CENPO: variants seen among roughly 807,000 people sequenced by gnomAD.
CENPO encodes centromeric protein O.
A neutral mutation model predicts 36.1 loss-of-function variants in CENPO; 30 were observed. That is an observed-to-expected ratio of 0.83 (90% CI 0.62 to 1.13). CENPO has a LOEUF of 1.13. Ranked by LOEUF, CENPO falls within the 50% of genes most tolerant of loss-of-function variation. CENPO has a pLI of 0.00. For missense variants in CENPO, 349 were observed against 357.8 expected (o/e 0.98, Z 0.20); for synonymous variants, 171 against 142.3 (o/e 1.20, Z -1.44).
intron 3 of CENPO, among the ~76,000 whole-genome samples, chr2:24,806,106 G>A (rs1019946555): frequency 2.0e-5 from 3 of 152,210 alleles, no homozygotes; most frequent in Admixed American, 1.3e-4. Flanking sequence ...CTCTGTGGGC[G>A]TAGGACCCTC....
chr2:24,793,667 G>C (rs1244148020), intron 1 of CENPO, 166 bp downstream of exon 1: 2 of 1,178,820 alleles, frequency 1.7e-6, no homozygotes, highest in African/African-American at 3.1e-5. Context: ...GATGGGCGCG[G>C]GGGTGGGCAT....
chr2:24,814,355 G>T, intron 3 of CENPO, 21 bp from the exon 4 acceptor site: 1 of 1,169,296 alleles, frequency 8.6e-7, no homozygotes, highest in Non-Finnish European at 1.3e-6. Flanking sequence ...TACCAAGATT[G>T]ATTTGCTGCA....
Position 24,821,316 on chromosome 2 carries a change from T to C in CENPO, c.*1998T>C. 1.5e-6 allele frequency: 1 copy of C among 671,418 alleles called. No individual in the cohort carries two copies. Among genetic ancestry groups the C allele is most frequent in the Admixed American group, 3.0e-5 (1 of 33,224 alleles). The allele number at this position is 671,418 out of a possible 1,614,324, so 41.6% of individuals were successfully genotyped here. A position where few individuals can be genotyped will look rare whatever the true frequency, so the allele number is the denominator to read the frequency against. On this transcript the variant is annotated 3_prime_UTR_variant, in exon 8 of 8. Transcript: ENST00000380834. ...CAGTAGGCACAGTATAGTCGGATCA[T>C]CACATCAGCTGGGTTTTTGGTTTAG...
At chr2:24,814,268 ATGTATTATATCATG>A (rs1666834669) in intron 3 of CENPO, 94 bp from the exon 4 acceptor site, 2 of 707,034 alleles carry the variant, frequency 2.8e-6, no homozygotes, top group Non-Finnish European at 5.2e-6. Context: ...GCATTTCTTG[ATGTATTATATCATG>A]TGCCTTGTAT....
intron 3 of CENPO, among the ~76,000 whole-genome samples, chr2:24,809,008 C>T (rs564258478): frequency 3.9e-5 from 6 of 152,032 alleles, no homozygotes; most frequent in Non-Finnish European, 5.9e-5. Flanking sequence ...TTTTAATTTC[C>T]GATCCAATTT....
chr2:24,808,972 C>G (rs2148275884), intron 3 of CENPO, among the ~76,000 whole-genome samples: 1 of 151,646 alleles, frequency 6.6e-6, no homozygotes, highest in South Asian at 2.1e-4. Flanking sequence ...CCCGGTGAAG[C>G]TCTTTGGGCC....
chr2:24,806,311 G>C (rs1361034805), intron 3 of CENPO, among the ~76,000 whole-genome samples: 2 of 152,196 alleles, frequency 1.3e-5, no homozygotes, highest in African/African-American at 4.8e-5. Context: ...CTCACACTCG[G>C]TGTGCTGCAA....
intron 3 of CENPO, among the ~76,000 whole-genome samples, chr2:24,803,215 CTCTT>C (rs1180681948): frequency 6.6e-6 from 1 of 150,782 alleles, no homozygotes; most frequent in African/African-American, 2.4e-5. Context: ...TGATTCTTCT[CTCTT>C]TTCTTCTTTA....
intron 4 of CENPO, chr2:24,814,762 G>A (rs1666865795): frequency 2.5e-6 from 1 of 397,082 alleles, no homozygotes; most frequent in Non-Finnish European, 4.6e-6. Context: ...AGTTCGTCAT[G>A]TGCCAGACCT....
In CENPO at chr2:24,821,396, C is replaced by G. The variant is rs1266846986; in HGVS notation, c.*2078C>G. 1 of 1,424,172 alleles carries G rather than the reference C, an allele frequency of 7.0e-7. No homozygotes were observed. The highest frequency in any genetic ancestry group is 2.3e-5 in the East Asian group (1 of 43,460). The allele number at this position is 1,424,172 out of a possible 1,614,324, so 88.2% of individuals were successfully genotyped here. ...TTCAGGTCTCCTTGCCCTGTGAGTG[C>G]GTGAACCTCCCCACCCGAATTGCCT... On this transcript the variant is annotated 3_prime_UTR_variant, in exon 8 of 8. Coordinates refer to ENST00000380834, the MANE Select transcript of CENPO (RefSeq NM_001322101.2).
chr2:24,804,988 C>T (rs558739603), intron 3 of CENPO, among the ~76,000 whole-genome samples: 1 of 152,298 alleles, frequency 6.6e-6, no homozygotes, highest in East Asian at 1.9e-4. Context: ...TTGGTCTTTT[C>T]ACATAGTCCC....
chr2:24,801,911 C>A (rs546439431), intron 3 of CENPO, among the ~76,000 whole-genome samples: 1 of 152,306 alleles, frequency 6.6e-6, no homozygotes, highest in East Asian at 1.9e-4. Flanking sequence ...CATAAATTAG[C>A]TTGGGCAGTA....
rs920683929 is a variant in CENPO, at chr2:24,793,867, C to G, written c.-53C>G. On this transcript the variant is annotated 5_prime_UTR_variant, in exon 2 of 8. Coordinates refer to ENST00000380834, the MANE Select transcript of CENPO (RefSeq NM_001322101.2). ...CTTTTATTAGCAAGGACATTGGAGT[C>G]CCTATCACCGGTTGCCTAGACAACT... The G allele has an allele frequency of 6.2e-7, 1 of 1,613,712 alleles. No homozygotes were observed. Among genetic ancestry groups the G allele is most frequent in the South Asian group, 1.1e-5 (1 of 91,072 alleles).
intron 2 of CENPO, among the ~76,000 whole-genome samples, chr2:24,797,618 G>T (rs946873813): frequency 1.3e-5 from 2 of 152,168 alleles, no homozygotes; most frequent in African/African-American, 2.4e-5. Flanking sequence ...ACAAAAACAG[G>T]TTGTCTGTTG....
chr2:24,799,035 G>A (rs1666043015), intron 2 of CENPO, among the ~76,000 whole-genome samples: 1 of 93,878 alleles, frequency 1.1e-5, no homozygotes, highest in Non-Finnish European at 2.4e-5. Context: ...CCAGGCTGGA[G>A]TGCAATGGCA....
intron 6 of CENPO, among the ~76,000 whole-genome samples, chr2:24,817,258 G>T (rs1666978884): frequency 6.6e-6 from 1 of 152,178 alleles, no homozygotes. Flanking sequence ...TTCCAGACTG[G>T]CTGAGAGAGA....
chr2:24,820,520 C>T lies in CENPO; in HGVS notation c.*1202C>T, dbSNP rs1251189813. 9.9e-6 allele frequency: 14 copies of T among 1,410,246 alleles called. No individual in the cohort carries two copies. Among genetic ancestry groups the T allele is most frequent in the South Asian group, 1.5e-5 (1 of 64,728 alleles). The allele number at this position is 1,410,246 out of a possible 1,614,324, so 87.4% of individuals were successfully genotyped here. ...AGGCCATATGCATCTAGAACTTCAG[C>T]CCAGATTTTGTGGATGGGTGGAAGT... On this transcript the variant is annotated 3_prime_UTR_variant, in exon 8 of 8. Transcript: ENST00000380834.
In CENPO at chr2:24,817,831, G is replaced by A; in HGVS notation, c.*25G>A. 1 of 1,613,820 alleles carries A rather than the reference G, an allele frequency of 6.2e-7. No individual in the cohort carries two copies. The highest frequency in any genetic ancestry group is 8.5e-7 in the Non-Finnish European group (1 of 1,179,926). On this transcript the variant is annotated 3_prime_UTR_variant, in exon 7 of 8. Transcript: ENST00000380834. ...ATAGATTGTTTTCACTGCACTGGGA[G>A]CACATCAGAGGTAAGTAACCAGTAC...
At chr2:24,804,505 C>G (rs968187350) in intron 3 of CENPO, among the ~76,000 whole-genome samples, 4 of 152,058 alleles carry the variant, frequency 2.6e-5, no homozygotes, top group Admixed American at 6.6e-5. Flanking sequence ...TTCAGGAGCT[C>G]TTTTAGGGCA....
Sources: gnomAD v4.1 joint callset for allele counts (sites outside exome capture counted in the v4.1 genomes callset) on GRCh38, gnomAD v4.1.1 for gene constraint, MANE v1.5 for transcripts, NCBI Gene and HGNC (gene_info 2026-07-23, HGNC 2026-07-21) for gene names.